L3MBTL4: variants seen among roughly 807,000 people sequenced by gnomAD.
L3MBTL4 encodes L3MBTL histone methyl-lysine binding protein 4, also known as lethal(3)malignant brain tumor-like protein 4.
A neutral mutation model predicts 84.5 loss-of-function variants in L3MBTL4; 70 were observed. The observed-to-expected ratio is 0.83, with a 90% CI of 0.68 to 1.01. The LOEUF is 1.01. L3MBTL4 is among the 50% of genes least tolerant of loss of function. The probability of loss-of-function intolerance (pLI) is 0.00; values close to 1 mark genes in which losing one functional copy is unlikely to be tolerated. For synonymous variants in L3MBTL4, 274 were observed against 259.8 expected, an observed-to-expected ratio of 1.05 and a Z score of -0.52; for missense variants, 715 against 754.8, an observed-to-expected ratio of 0.95 and a Z score of 0.62.
At chr18:6,154,544 C>T (rs1250257440) in intron 13 of L3MBTL4, among the ~76,000 whole-genome samples, 2 of 152,160 alleles carry the variant, frequency 1.3e-5, no homozygotes, top group Non-Finnish European at 2.9e-5. Context: ...TCAATATGTT[C>T]CTCCAGTGTG....
At chr18:6,071,761 A>AAAAGAAAGAAAG (rs201841975) in intron 16 of L3MBTL4, among the ~76,000 whole-genome samples, 5,795 of 91,822 alleles carry the variant, frequency 0.063, 208 homozygotes, top group Non-Finnish European at 0.087. Flanking sequence ...AAGAAAGAAA[A>AAAAGAAAGAAAG]AAAGAAAGAA....
intron 13 of L3MBTL4, among the ~76,000 whole-genome samples, chr18:6,169,132 C>T (rs921095301): frequency 6.6e-6 from 1 of 152,150 alleles, no homozygotes; most frequent in Non-Finnish European, 1.5e-5. Context: ...CAATGAGATA[C>T]CATCTCACAC....
At chr18:5,983,249 G>C (rs949108564) in intron 16 of L3MBTL4, among the ~76,000 whole-genome samples, 6 of 152,104 alleles carry the variant, frequency 3.9e-5, no homozygotes, top group Non-Finnish European at 7.4e-5. Context: ...AACTGCATTT[G>C]GAATCCGTAA....
intron 1 of L3MBTL4, among the ~76,000 whole-genome samples, chr18:6,349,711 C>A (rs2053087229): frequency 2.6e-5 from 4 of 151,780 alleles, no homozygotes; most frequent in Admixed American, 2.6e-4. Context: ...CAGAATGAGA[C>A]CCTGTTTCAA....
At chr18:6,076,543 A>G (rs981217615) in intron 16 of L3MBTL4, among the ~76,000 whole-genome samples, 35 of 152,108 alleles carry the variant, frequency 2.3e-4, no homozygotes, top group African/African-American at 8.5e-4. Flanking sequence ...ACTTGGCTAA[A>G]ATTTTTACTT....
At chr18:6,317,856 T>C (rs1309029802) in intron 1 of L3MBTL4, among the ~76,000 whole-genome samples, 2 of 152,012 alleles carry the variant, frequency 1.3e-5, no homozygotes, top group Non-Finnish European at 1.5e-5. Flanking sequence ...TGAGACAAAA[T>C]GCAATAGGTA....
chr18:6,109,606 A>C (rs1388910719), intron 14 of L3MBTL4, among the ~76,000 whole-genome samples: 1 of 152,112 alleles, frequency 6.6e-6, no homozygotes, highest in Non-Finnish European at 1.5e-5. Context: ...GAATCTGCTG[A>C]ACATTGTGGA....
rs5822882 is a variant in L3MBTL4 at position 5,972,892 on chromosome 18, G to GAGAAT, written c.1445-3335_1445-3331dup. ...TAGAATAGAATAGAATAGAACAGAAGAGAATAGAATAGAATAGAATAGAAT... is the reference window on the plus strand; with the variant it reads ...TAGAATAGAATAGAATAGAACAGAAGAGAATAGAATAGAATAGAATAGAATAGAAT... On this transcript the variant is annotated intron_variant, in intron 16 of 18. Coordinates refer to ENST00000317931, the MANE Select transcript of L3MBTL4 (RefSeq NM_001330559.2). 8.5e-3 allele frequency among the ~76,000 whole-genome samples: 1,120 copies of GAGAAT among 131,750 alleles called. 54 individuals are homozygous for GAGAAT. The highest frequency in any genetic ancestry group is 0.012 in the Non-Finnish European group (736 of 59,430). The allele number at this position is 131,750 out of a possible 152,430, so 86.4% of individuals were successfully genotyped here.
chr18:6,356,554 A>G (rs1381768800), intron 1 of L3MBTL4, among the ~76,000 whole-genome samples: 3 of 152,256 alleles, frequency 2.0e-5, no homozygotes, highest in African/African-American at 4.8e-5. Flanking sequence ...GGAATGGCCT[A>G]TGGCTCCTAG....
intron 16 of L3MBTL4, among the ~76,000 whole-genome samples, chr18:6,021,091 G>A (rs2055229057): frequency 6.6e-6 from 1 of 152,214 alleles, no homozygotes; most frequent in South Asian, 2.1e-4. Flanking sequence ...ATTTCAAGAA[G>A]GTGGGAATGG....
chr18:6,241,843 A>G (rs2047464939), intron 7 of L3MBTL4, among the ~76,000 whole-genome samples: 1 of 152,122 alleles, frequency 6.6e-6, no homozygotes, highest in African/African-American at 2.4e-5. Context: ...GGATGAGACC[A>G]GAGTTCCCGT....
chr18:6,058,151 A>G (rs1230185540), intron 16 of L3MBTL4, among the ~76,000 whole-genome samples: 1 of 152,232 alleles, frequency 6.6e-6, no homozygotes, highest in East Asian at 1.9e-4. Context: ...CTCCTTAGAC[A>G]TAAGGTGCTT....
At chr18:6,027,019 G>T (rs1270605842) in intron 16 of L3MBTL4, among the ~76,000 whole-genome samples, 1 of 152,028 alleles carries the variant, frequency 6.6e-6, no homozygotes, top group Non-Finnish European at 1.5e-5. Context: ...CTGGTGTTTT[G>T]TTTGTTTGTT....
chr18:6,090,070 C>T (rs2058389780), intron 15 of L3MBTL4, among the ~76,000 whole-genome samples: 1 of 152,096 alleles, frequency 6.6e-6, no homozygotes, highest in African/African-American at 2.4e-5. Flanking sequence ...ATGAAAGAAA[C>T]TCAAGTGTAA....
Position 5,956,327 on chromosome 18 carries a change from T to A in L3MBTL4, c.1738A>T (p.Ile580Phe). 1.9e-6 allele frequency: 3 copies of A among 1,614,126 alleles called. No individual in the cohort carries two copies. The highest frequency in any genetic ancestry group is 2.5e-6 in the Non-Finnish European group (3 of 1,180,000). ...TQTDIVKVMK[I>F]KLGPALKIYN... Reference sequence around the variant, plus strand: ...ATCTTCAGTGCTGGGCCCAGTTTGATCTTCATCACTTTGACAATGTCCGTC... The same window carrying A: ...ATCTTCAGTGCTGGGCCCAGTTTGAACTTCATCACTTTGACAATGTCCGTC... Residue 580 changes from isoleucine to phenylalanine, a missense_variant, in exon 19 of 19, where the codon ATC becomes TTC. Physicochemically the swap from Ile to Phe is conservative, Grantham distance 21. Coordinates refer to ENST00000317931, the MANE Select transcript of L3MBTL4 (RefSeq NM_001330559.2).
intron 15 of L3MBTL4, among the ~76,000 whole-genome samples, chr18:6,089,295 G>A (rs2058361628): frequency 1.3e-5 from 2 of 152,018 alleles, no homozygotes; most frequent in South Asian, 2.1e-4. Flanking sequence ...TGCTCAAGAC[G>A]GACATTTTGT....
chr18:6,013,507 G>A (rs1307831428), intron 16 of L3MBTL4, among the ~76,000 whole-genome samples: 1 of 152,124 alleles, frequency 6.6e-6, no homozygotes, highest in Non-Finnish European at 1.5e-5. Context: ...ATAGATTCCT[G>A]CTCACCGTCT....
intron 16 of L3MBTL4, among the ~76,000 whole-genome samples, chr18:5,976,550 C>G (rs2052943369): frequency 6.6e-6 from 1 of 152,054 alleles, no homozygotes; most frequent in Non-Finnish European, 1.5e-5. Flanking sequence ...ACACCCTGCC[C>G]CAGAAATCCA....
chr18:6,307,831 T>C (rs2050659787), intron 3 of L3MBTL4, among the ~76,000 whole-genome samples: 1 of 152,230 alleles, frequency 6.6e-6, no homozygotes, highest in Non-Finnish European at 1.5e-5. Context: ...ATTTTTTCAG[T>C]ATCAAATATT....
Sources: allele counts gnomAD v4.1 joint callset (sites outside exome capture counted in the v4.1 genomes callset), GRCh38; gene constraint gnomAD v4.1.1; transcripts MANE v1.5; gene names NCBI Gene and HGNC (gene_info 2026-07-23, HGNC 2026-07-21).